SYNE1: variants seen among roughly 807,000 people sequenced by gnomAD.
The protein encoded by SYNE1 is nesprin-1.
Under a neutral mutation model 1,111.0 loss-of-function variants are expected in SYNE1, and 616 were observed. The ratio of observed to expected loss-of-function variants is 0.55; its 90% CI spans 0.52 to 0.59. The LOEUF (loss-of-function observed/expected upper bound fraction) is 0.59, where lower values mean the gene tolerates loss of function less well. SYNE1 is among the 20% of genes least tolerant of loss of function. The probability of loss-of-function intolerance (pLI) is 0.00; values close to 1 mark genes in which losing one functional copy is unlikely to be tolerated. For missense variants in SYNE1, 10,006 were observed against 10,417.0 expected (o/e 0.96, Z 1.72); for synonymous variants, 3,855 against 3,825.8 (o/e 1.01, Z -0.28).
At chr6:152,480,764 T>C (rs762103038) in intron 14 of SYNE1, 21 of 456,168 alleles carry the variant, frequency 4.6e-5, no homozygotes, top group Admixed American at 3.5e-4. Context: ...ATCTCTTTAT[T>C]ACATTCCTTA....
At chr6:152,167,699 C>T (rs772291920) in intron 130 of SYNE1, 1 of 506,904 alleles carries the variant, frequency 2.0e-6, no homozygotes, top group Non-Finnish European at 4.1e-6. Flanking sequence ...AAGCTTTCAA[C>T]TACAAAGCTG....
intron 108 of SYNE1, among the ~76,000 whole-genome samples, chr6:152,238,824 G>A (rs1241555450): frequency 1.3e-5 from 2 of 152,068 alleles, no homozygotes; most frequent in Non-Finnish European, 2.9e-5. Flanking sequence ...CTTGCCAGTA[G>A]CCACCACTGA....
chr6:152,513,496 G>A (rs532419452), intron 6 of SYNE1, among the ~76,000 whole-genome samples: 11 of 152,130 alleles, frequency 7.2e-5, no homozygotes, highest in African/African-American at 2.4e-4. Flanking sequence ...ACCACACCCG[G>A]CTAATTTTTG....
intron 3 of SYNE1, among the ~76,000 whole-genome samples, chr6:152,549,715 G>A (rs978328215): frequency 2.0e-5 from 3 of 152,182 alleles, no homozygotes; most frequent in African/African-American, 7.2e-5. Context: ...GATGAGTTAA[G>A]AGAATTTTTA....
Position 152,592,411 on chromosome 6 carries a change from C to T in SYNE1, c.67+35854G>A, listed in dbSNP as rs563016755. The stretch of plus-strand genomic sequence containing the variant: ...AAAAACAATGAAATCATGTCCTTTG[C>T]AGCAACATGGATGGAGCTGGAGGCC... On this transcript the variant is annotated intron_variant, in intron 3 of 145. Coordinates refer to ENST00000367255, the MANE Select transcript of SYNE1 (RefSeq NM_182961.4). 1.8e-4 allele frequency among the ~76,000 whole-genome samples: 28 copies of T among 152,238 alleles called. No homozygotes were observed. In the South Asian group the frequency reaches 5.6e-3, roughly 30 times the overall value.
rs1256136070 is a variant in SYNE1 at position 152,278,209 on chromosome 6, C to A, written c.18453G>T (p.Leu6151=). ...CCTTGGTGTGAGCTTTGCCCTCCAG[C>A]AGCAGGTTCTCATTGTGGACTGACA... ...SELSVHNENL[L]LEGKAHTKDE... The change falls in exon 98 of 146, where the codon CTG becomes CTT. Residue 6151 remains leucine (L), a synonymous_variant. Transcript: ENST00000367255. 2 of 1,614,208 alleles carry A rather than the reference C, an allele frequency of 1.2e-6. No homozygotes were observed. The highest frequency in any genetic ancestry group is 4.5e-5 in the East Asian group (2 of 44,874).
At chr6:152,537,170 T>G (rs533478170) in intron 4 of SYNE1, among the ~76,000 whole-genome samples, 1 of 152,198 alleles carries the variant, frequency 6.6e-6, no homozygotes, top group Non-Finnish European at 1.5e-5. Flanking sequence ...GCCCCATCCC[T>G]GAAAGAAATT....
chr6:152,483,092 T>C lies in SYNE1; in HGVS notation c.1343A>G (p.Gln448Arg), dbSNP rs1207607260. 13 of 1,614,096 alleles carry C rather than the reference T, an allele frequency of 8.1e-6. No individual in the cohort carries two copies. Among genetic ancestry groups the C allele is most frequent in the Non-Finnish European group, 1.0e-5 (12 of 1,180,026 alleles). ...TCCAACCAGAATTTTTACCTTATGTTGCTCAAGTTTCCGTTGTATCGTGTT... is the reference window on the plus strand; with the variant it reads ...TCCAACCAGAATTTTTACCTTATGTCGCTCAAGTTTCCGTTGTATCGTGTT... ...TANTIQRKLE[Q>R]HKDLLQNTDA... Residue 448 changes from glutamine to arginine, a missense_variant, in exon 14 of 146, where the codon CAA (glutamine) becomes CGA (arginine). By Grantham distance (43) the Gln-to-Arg change is conservative (BLOSUM62 1). Transcript: ENST00000367255.
intron 131 of SYNE1, among the ~76,000 whole-genome samples, chr6:152,157,242 G>A (rs375655365): frequency 2.3e-4 from 35 of 152,214 alleles, no homozygotes; most frequent in South Asian, 1.9e-3. Context: ...AATATTATTC[G>A]GTCATAAAAA....
At chr6:152,300,612 T>C (rs1589584517) in intron 93 of SYNE1, 29 bp downstream of exon 93, 6 of 1,614,026 alleles carry the variant, frequency 3.7e-6, no homozygotes, top group African/African-American at 2.7e-5. Context: ...CCAGAGATTA[T>C]TGCTAGAGGA....
At chr6:152,563,164 T>C (rs1272215907) in intron 3 of SYNE1, among the ~76,000 whole-genome samples, 1 of 152,062 alleles carries the variant, frequency 6.6e-6, no homozygotes, top group Non-Finnish European at 1.5e-5. Context: ...TAGATTGTTT[T>C]TATCATATCT....
intron 138 of SYNE1, 147 bp from the exon 139 acceptor site, chr6:152,141,476 G>C (rs2058543303): frequency 2.8e-6 from 3 of 1,080,822 alleles, no homozygotes; most frequent in South Asian, 1.3e-5. Context: ...AGCCAAGATG[G>C]CCGAGTGTGG....
At chr6:152,539,595 T>A (rs925011471) in intron 4 of SYNE1, among the ~76,000 whole-genome samples, 4 of 152,246 alleles carry the variant, frequency 2.6e-5, no homozygotes, top group Middle Eastern at 3.4e-3. Flanking sequence ...TTAGCATAGA[T>A]CACTTATAGC....
rs763586606 is a variant in SYNE1, at chr6:152,444,579, C to G, written c.3670-1G>C. 1 of 1,606,226 alleles carries G rather than the reference C, an allele frequency of 6.2e-7. No individual in the cohort carries two copies. The highest frequency in any genetic ancestry group is 1.1e-5 in the South Asian group (1 of 89,322). ...CAAAATTGCTTAGCATCTTTTCAAC[C>G]TATATTTTCATGAAAAAAAAAAACA... On this transcript the variant is annotated splice_acceptor_variant, in intron 29 of 145. Coordinates refer to ENST00000367255, the MANE Select transcript of SYNE1 (RefSeq NM_182961.4). LOFTEE classifies it high-confidence loss of function.
intron 87 of SYNE1, among the ~76,000 whole-genome samples, chr6:152,313,699 A>G (rs535958317): frequency 6.6e-6 from 1 of 152,172 alleles, no homozygotes; most frequent in East Asian, 1.9e-4. Flanking sequence ...CTTGACCTCA[A>G]GTGATCCACC....
Position 152,359,430 on chromosome 6 carries a change from C to T in SYNE1, c.10328G>A (p.Ser3443Asn). The change falls in exon 65 of 146, where the codon AGC becomes AAC. Residue 3443 changes from serine to asparagine, a missense_variant. By Grantham distance (46) the Ser-to-Asn change is conservative (BLOSUM62 1). This residue lies in a region of SYNE1 where 4,955 missense variants were observed against 5,017.2 expected (regional missense o/e 0.99). Transcript: ENST00000367255. ...KLLNEEVLSY[S>N]SLLETIEVKG... ...GACTTCGATGGTCTCCAGCAAGCTG[C>T]TGTAACTCAGCACTTCTTCATTTAA... 5 of 1,614,148 alleles carry T rather than the reference C, an allele frequency of 3.1e-6. No homozygotes were observed. Among genetic ancestry groups the T allele is most frequent in the Non-Finnish European group, 4.2e-6 (5 of 1,180,030 alleles).
chr6:152,382,861 A>T (rs1051325325), intron 55 of SYNE1, among the ~76,000 whole-genome samples: 1 of 152,220 alleles, frequency 6.6e-6, no homozygotes, highest in African/African-American at 2.4e-5. Flanking sequence ...TTGAATAAGG[A>T]CATCATCATT....
At position 152,465,470 on chromosome 6, in the gene SYNE1, A is replaced by G; in HGVS notation, c.1730-10T>C. ...TTCTCAGCTTCTTCCACTGAAACAG[A>G]TAAAACCAATTATAACCCTTATCTC... On this transcript the variant is annotated splice_polypyrimidine_tract_variant and intron_variant, in intron 17 of 145. Coordinates refer to ENST00000367255, the MANE Select transcript of SYNE1 (RefSeq NM_182961.4). 6.2e-7 allele frequency: 1 copy of G among 1,610,956 alleles called. No individual in the cohort carries two copies. The highest frequency in any genetic ancestry group is 8.5e-7 in the Non-Finnish European group (1 of 1,178,434).
intron 3 of SYNE1, among the ~76,000 whole-genome samples, chr6:152,624,888 G>T (rs905243184): frequency 1.3e-5 from 2 of 152,132 alleles, no homozygotes; most frequent in Non-Finnish European, 2.9e-5. Flanking sequence ...GCAATTATGG[G>T]TGTAAGCTAA....
Sources: allele counts gnomAD v4.1 joint callset (sites outside exome capture counted in the v4.1 genomes callset), GRCh38; gene constraint gnomAD v4.1.1; regional missense constraint gnomAD v4.1.1; transcripts MANE v1.5; gene names NCBI Gene and HGNC (gene_info 2026-07-23, HGNC 2026-07-21).